SIK2: variants seen among roughly 807,000 people sequenced by gnomAD.
SIK2 encodes salt inducible kinase 2, also known as serine/threonine-protein kinase SIK2.
Under a neutral mutation model 103.2 loss-of-function variants are expected in SIK2, and 29 were observed. The observed-to-expected ratio is 0.28, with a 90% CI of 0.21 to 0.38. The LOEUF (loss-of-function observed/expected upper bound fraction) is 0.38, where lower values mean the gene tolerates loss of function less well. Among genes scored for constraint, SIK2 ranks in the 10% least tolerant of loss-of-function variants. The probability of loss-of-function intolerance (pLI) is 1.00; values close to 1 mark genes in which losing one functional copy is unlikely to be tolerated. For synonymous variants in SIK2, 412 were observed against 446.1 expected (o/e 0.92, Z 0.96); for missense variants, 879 against 1,171.0 (o/e 0.75, Z 3.64).
At position 111,727,628 on chromosome 11, in the gene SIK2, C is replaced by CCA. The variant is rs1332317895; in HGVS notation, c.*3501_*3502dup. 1 of 153,970 alleles carries CCA rather than the reference C, an allele frequency of 6.5e-6. No homozygotes were observed. Among genetic ancestry groups the CCA allele is most frequent in the African/African-American group, 2.4e-5 (1 of 41,464 alleles). 9.5% of individuals were successfully genotyped at this position (153,970 alleles called of 1,614,324 possible). On this transcript the variant is annotated 3_prime_UTR_variant, in exon 15 of 15. Transcript: ENST00000304987. ...ACTCATCATAAGACTGACGACTCCC[C>CCA]CACCTCCACCCACACACCGAGTGTC...
In SIK2 at chr11:111,725,370, G is replaced by A. The variant is rs979831030; in HGVS notation, c.*1241G>A. 1 of 152,626 alleles carries A rather than the reference G, an allele frequency of 6.6e-6. No homozygotes were observed. Among genetic ancestry groups the A allele is most frequent in the Non-Finnish European group, 1.5e-5 (1 of 68,030 alleles). 9.5% of individuals were successfully genotyped at this position (152,626 alleles called of 1,614,324 possible). The stretch of plus-strand genomic sequence containing the variant: ...TATTCAAAGAAAGAACCACAGATGT[G>A]TTAACCATTTAAGCAGATCATCTGC... On this transcript the variant is annotated 3_prime_UTR_variant, in exon 15 of 15. Coordinates refer to ENST00000304987, the MANE Select transcript of SIK2 (RefSeq NM_015191.3).
At position 111,703,372 on chromosome 11, in the gene SIK2, G is replaced by A; in HGVS notation, c.897G>A (p.Gln299=). ...NEPSIGEFNE[Q]VLRLMHSLGI... ...CATCCATCGGGGAGTTTAATGAGCA[G>A]GTTCTGCGACTGATGCACAGCCTTG... Residue 299 remains glutamine, a synonymous_variant, in exon 7 of 15, where the codon CAG becomes CAA. Transcript: ENST00000304987. 3 of 1,614,086 alleles carry A rather than the reference G, an allele frequency of 1.9e-6. No individual in the cohort carries two copies. Among genetic ancestry groups the A allele is most frequent in the Non-Finnish European group, 2.5e-6 (3 of 1,179,962 alleles).
intron 3 of SIK2, among the ~76,000 whole-genome samples, chr11:111,654,544 A>G (rs762318642): frequency 1.3e-4 from 20 of 152,160 alleles, no homozygotes; most frequent in Non-Finnish European, 2.2e-4. Flanking sequence ...TTATAGTTCT[A>G]TCTGTGTAAA....
intron 1 of SIK2, among the ~76,000 whole-genome samples, chr11:111,607,504 A>G (rs532172001): frequency 6.0e-4 from 91 of 152,336 alleles, no homozygotes; most frequent in African/African-American, 2.1e-3. Flanking sequence ...TAAAATTTTA[A>G]GACTCCTTTC....
chr11:111,720,010 TA>T lies in SIK2; in HGVS notation c.1495+8del, dbSNP rs1363292524. On this transcript the variant is annotated splice_region_variant and intron_variant, in intron 10 of 14. Coordinates refer to ENST00000304987, the MANE Select transcript of SIK2 (RefSeq NM_015191.3). ...GTCGTGATGCCTGGGGCAGGTACGGTAGAGGAGCGACACTAGCTTGAGTCTT... is the reference window on the plus strand; with the variant it reads ...GTCGTGATGCCTGGGGCAGGTACGGTGAGGAGCGACACTAGCTTGAGTCTT... 6.2e-7 allele frequency: 1 copy of T among 1,609,842 alleles called. No homozygotes were observed. Among genetic ancestry groups the T allele is most frequent in the African/African-American group, 1.3e-5 (1 of 74,836 alleles).
At chr11:111,644,133 A>G (rs1346397285) in intron 3 of SIK2, among the ~76,000 whole-genome samples, 1 of 151,040 alleles carries the variant, frequency 6.6e-6, no homozygotes, top group Non-Finnish European at 1.5e-5. Context: ...TAAAAATACA[A>G]AAAAAATTAG....
rs1943824444 is a variant in SIK2 at position 111,722,265 on chromosome 11, G to C, written c.2055+325G>C. On this transcript the variant is annotated intron_variant, in intron 13 of 14. Coordinates refer to ENST00000304987, the MANE Select transcript of SIK2 (RefSeq NM_015191.3). The surrounding 1 kb of genome is among the most constrained non-coding windows in gnomAD (Gnocchi z 4.4). ...ATAAAATGAAAACCTTAAGTCTGCA[G>C]AATTTCTACATGGGCTTTCTATGTT... 6.6e-6 allele frequency among the ~76,000 whole-genome samples: 1 copy of C among 152,190 alleles called. No homozygotes were observed. The highest frequency in any genetic ancestry group is 6.5e-5 in the Admixed American group (1 of 15,280).
intron 6 of SIK2, among the ~76,000 whole-genome samples, chr11:111,702,465 T>C (rs1943236301): frequency 6.6e-6 from 1 of 152,198 alleles, no homozygotes; most frequent in Non-Finnish European, 1.5e-5. Flanking sequence ...GGCATGCACC[T>C]GTAGTCCTAG....
At chr11:111,619,458 C>T (rs1355219768) in intron 2 of SIK2, among the ~76,000 whole-genome samples, 2 of 152,146 alleles carry the variant, frequency 1.3e-5, no homozygotes, top group Non-Finnish European at 2.9e-5. Flanking sequence ...GCTCTCCCAC[C>T]TCAGCCTCCC....
chr11:111,680,297 A>G (rs1361804496), intron 3 of SIK2, among the ~76,000 whole-genome samples: 2 of 152,180 alleles, frequency 1.3e-5, no homozygotes, highest in African/African-American at 2.4e-5. Flanking sequence ...TTGGAGCTTC[A>G]TCATTCATGG....
In SIK2 at chr11:111,664,097, G is replaced by A. The variant is rs142871939; in HGVS notation, c.317-23904G>A. The stretch of plus-strand genomic sequence containing the variant: ...GCCTTCCACCTTCCAGCCAGTAAGT[G>A]CAAAATTCCTAAGAAATGAAATCAA... On this transcript the variant is annotated intron_variant, in intron 3 of 14. Transcript: ENST00000304987. 3.6e-3 allele frequency among the ~76,000 whole-genome samples: 552 copies of A among 152,332 alleles called. 1 individual carries two copies. Among genetic ancestry groups the A allele is most frequent in the Non-Finnish European group, 6.2e-3 (419 of 68,038 alleles).
intron 12 of SIK2, 138 bp from the exon 13 acceptor site, chr11:111,721,692 T>G (rs939847756): frequency 1.7e-6 from 1 of 582,452 alleles, no homozygotes; most frequent in Non-Finnish European, 3.0e-6. Context: ...GCCTACTGGC[T>G]CTGTAAAAGC....
chr11:111,662,679 C>T (rs951089459), intron 3 of SIK2, among the ~76,000 whole-genome samples: 14 of 152,042 alleles, frequency 9.2e-5, no homozygotes, highest in African/African-American at 3.4e-4. Flanking sequence ...TAGTTTGAGA[C>T]CAGCCTGGGC....
chr11:111,720,046 A>G (rs1289414647), intron 10 of SIK2, 43 bp downstream of exon 10: 7 of 1,568,652 alleles, frequency 4.5e-6, no homozygotes, highest in East Asian at 2.3e-5. Flanking sequence ...TCATGGCATC[A>G]TGTCATACTC....
At position 111,616,493 on chromosome 11, in the gene SIK2, A is replaced by G. The variant is rs530215541; in HGVS notation, c.252+134A>G. 4.9e-6 allele frequency: 3 copies of G among 611,458 alleles called. No homozygotes were observed. In the South Asian group the frequency reaches 6.6e-5, roughly 14 times the overall value. 37.9% of individuals were successfully genotyped at this position (611,458 alleles called of 1,614,324 possible). On this transcript the variant is annotated intron_variant, in intron 2 of 14. Coordinates refer to ENST00000304987, the MANE Select transcript of SIK2 (RefSeq NM_015191.3). ...ATGTATGCTATTTGTTACTAAGTAC[A>G]CCATTTTTCTATATTGTCTTTAAAC...
Position 111,720,022 on chromosome 11 carries a change from A to C in SIK2, c.1495+19A>C, listed in dbSNP as rs72981283. 6.2e-7 allele frequency: 1 copy of C among 1,602,524 alleles called. No homozygotes were observed. The highest frequency in any genetic ancestry group is 8.5e-7 in the Non-Finnish European group (1 of 1,174,064). On this transcript the variant is annotated intron_variant, in intron 10 of 14. Coordinates refer to ENST00000304987, the MANE Select transcript of SIK2 (RefSeq NM_015191.3). ...GGGGCAGGTACGGTAGAGGAGCGAC[A>C]CTAGCTTGAGTCTTCATGGCATCAT...
chr11:111,627,661 GT>G (rs1248859321), intron 3 of SIK2, among the ~76,000 whole-genome samples: 1 of 152,128 alleles, frequency 6.6e-6, no homozygotes, highest in East Asian at 1.9e-4. Context: ...ATAAACAGTA[GT>G]TAACTTTGTA....
intron 1 of SIK2, among the ~76,000 whole-genome samples, chr11:111,605,677 T>G (rs545464162): frequency 2.6e-4 from 40 of 152,332 alleles, no homozygotes; most frequent in African/African-American, 8.9e-4. Context: ...GACCCTTTTA[T>G]TTTTAACTGG....
intron 3 of SIK2, among the ~76,000 whole-genome samples, chr11:111,672,745 T>G (rs1014562886): frequency 6.6e-6 from 1 of 152,144 alleles, no homozygotes; most frequent in South Asian, 2.1e-4. Context: ...ACAAGGACTT[T>G]TAATGTCTTT....
Sources: gnomAD v4.1 joint callset for allele counts (sites outside exome capture counted in the v4.1 genomes callset) on GRCh38, gnomAD v4.1.1 for gene constraint, Gnocchi (gnomAD v3.1) non-coding constraint, MANE v1.5 for transcripts, NCBI Gene and HGNC (gene_info 2026-07-23, HGNC 2026-07-21) for gene names.